ABHD14A: variants seen among roughly 807,000 people sequenced by gnomAD.
ABHD14A encodes abhydrolase domain containing 14A, also known as protein ABHD14A.
Under a neutral mutation model 27.0 loss-of-function variants are expected in ABHD14A, and 19 were observed. That is an observed-to-expected ratio of 0.70 (90% CI 0.49 to 1.03). The LOEUF is 1.03. ABHD14A is among the 50% of genes least tolerant of loss of function. The probability of loss-of-function intolerance (pLI) is 0.00; values close to 1 mark genes in which losing one functional copy is unlikely to be tolerated. For synonymous variants in ABHD14A, 148 were observed against 158.8 expected, an observed-to-expected ratio of 0.93 and a Z score of 0.51; for missense variants, 311 against 344.6, an observed-to-expected ratio of 0.90 and a Z score of 0.77.
chr3:51,975,128 A>C lies in ABHD14A; in HGVS notation c.-8A>C, dbSNP rs963818493. On this transcript the variant is annotated 5_prime_UTR_variant, in exon 1 of 5. Transcript: ENST00000273596. The stretch of plus-strand genomic sequence containing the variant: ...GCCGGAGCGGCCCGCGGAGCTGCGG[A>C]GGCAGCCATGGTCGGGGCGCTGTGC... The C allele has an allele frequency of 1.5e-6, 2 of 1,292,034 alleles. No homozygotes were observed. The highest frequency in any genetic ancestry group is 3.1e-5 in the East Asian group (1 of 31,898). The allele number at this position is 1,292,034 out of a possible 1,614,324, so 80.0% of individuals were successfully genotyped here.
chr3:51,980,557 C>A lies in ABHD14A; in HGVS notation c.562C>A (p.Leu188Ile). ...CTTCCTGATGCGAGGCCACCACCAG[C>A]TACATGGATTTGTGCCCATCGCACC... ...LPFLMRGHHQ[L>I]HGFVPIAPTS... The change falls in exon 4 of 5, where the codon CTA becomes ATA. Residue 188 changes from leucine (L) to isoleucine (I), a missense_variant. Physicochemically the swap from Leu to Ile is conservative, Grantham distance 5 (BLOSUM62 2). Coordinates refer to ENST00000273596, the MANE Select transcript of ABHD14A (RefSeq NM_015407.5). 6.2e-7 allele frequency: 1 copy of A among 1,614,132 alleles called. No homozygotes were observed. The highest frequency in any genetic ancestry group is 1.3e-5 in the African/African-American group (1 of 75,060).
chr3:51,977,874 G>A lies in ABHD14A; in HGVS notation c.73G>A (p.Val25Met). The change falls in exon 2 of 5, where the codon GTG becomes ATG. Residue 25 changes from valine to methionine, a missense_variant. Val to Met is a conservative substitution (Grantham distance 21). Transcript: ENST00000273596. ...TCCCTCTCCTCTCCCTCTCCAGACT[G>A]TGGTACAGACCTCCATGAGCCGGTC... ...ARPLIPLGPT[V>M]VQTSMSRSQV... 6.2e-7 allele frequency: 1 copy of A among 1,612,668 alleles called. No individual in the cohort carries two copies. Among genetic ancestry groups the A allele is most frequent in the Non-Finnish European group, 8.5e-7 (1 of 1,178,928 alleles).
Position 51,980,939 on chromosome 3 carries a change from A to G in ABHD14A, c.737A>G (p.Asn246Ser), listed in dbSNP as rs747365014. Residue 246 changes from asparagine (N) to serine (S), a missense_variant, in exon 5 of 5, where the codon AAT becomes AGT. Asn to Ser is a conservative substitution (Grantham distance 46). Coordinates refer to ENST00000273596, the MANE Select transcript of ABHD14A (RefSeq NM_015407.5). Reference sequence around the variant, plus strand: ...AACCACTCTGTGGTGAAGCTACGCAATGCAGGCCATGCCTGTTACCTCCAC... The same window carrying G: ...AACCACTCTGTGGTGAAGCTACGCAGTGCAGGCCATGCCTGTTACCTCCAC... ...LPNHSVVKLR[N>S]AGHACYLHKP... The G allele has an allele frequency of 3.7e-6, 6 of 1,614,052 alleles. No individual in the cohort carries two copies. In the East Asian group the frequency reaches 6.7e-5, roughly 18 times the overall value.
At position 51,980,882 on chromosome 3, in the gene ABHD14A, G is replaced by A. The variant is rs200435900; in HGVS notation, c.680G>A (p.Arg227Gln). Residue 227 changes from arginine to glutamine, a missense_variant, in exon 5 of 5, where the codon CGA becomes CAA. Physicochemically the swap from Arg to Gln is conservative, Grantham distance 43. Transcript: ENST00000273596. ...GGAGAGCTGGACCACATCCTGGCTC[G>A]AGAGTCACTGCGGCAGCTCCGCCAC... ...LYGELDHILA[R>Q]ESLRQLRHLP... The A allele has an allele frequency of 2.6e-4, 412 of 1,613,960 alleles. 2 individuals are homozygous for A. Among genetic ancestry groups the A allele is most frequent in the Non-Finnish European group, 3.3e-4 (386 of 1,180,020 alleles).
Position 51,981,143 on chromosome 3 carries a change from T to A in ABHD14A, c.*125T>A. 1 of 999,842 alleles carries A rather than the reference T, an allele frequency of 1.0e-6. No individual in the cohort carries two copies. Among genetic ancestry groups the A allele is most frequent in the Non-Finnish European group, 1.5e-6 (1 of 677,782 alleles). The allele number at this position is 999,842 out of a possible 1,614,324, so 61.9% of individuals were successfully genotyped here. A position where few individuals can be genotyped will look rare whatever the true frequency, so the allele number is the denominator to read the frequency against. The stretch of plus-strand genomic sequence containing the variant: ...GGCCAGGGTCAGACCCAGCCAGGAC[T>A]CCTCATTTCATCTCACAGACACAAT... On this transcript the variant is annotated 3_prime_UTR_variant, in exon 5 of 5. Transcript: ENST00000273596.
chr3:51,981,013 C>T lies in ABHD14A; in HGVS notation c.811C>T (p.Pro271Ser). Residue 271 changes from proline to serine, a missense_variant, in exon 5 of 5, where the codon CCT becomes TCT. Physicochemically the swap from Pro to Ser is moderately conservative, Grantham distance 74. Coordinates refer to ENST00000273596, the MANE Select transcript of ABHD14A (RefSeq NM_015407.5). ...CCTGCTTGCCTTCCTTGACCATCTA[C>T]CTTGAACTAACCCACTCCCAGCTCC... Reference protein sequence around the residue: ...LVLLAFLDHLP With the variant: ...LVLLAFLDHLS 2 of 1,609,154 alleles carry T rather than the reference C, an allele frequency of 1.2e-6. No homozygotes were observed. The highest frequency in any genetic ancestry group is 1.7e-6 in the Non-Finnish European group (2 of 1,175,804).
Position 51,975,104 on chromosome 3 carries a change from CCGGAGCGGCCCG to C in ABHD14A, c.-25_-14del. ...TGGCCGCGCTCCTGGCCGCCTAGAG[CCGGAGCGGCCCG>C]CGGAGCTGCGGAGGCAGCCATGGTC... On this transcript the variant is annotated 5_prime_UTR_variant, in exon 1 of 5. Coordinates refer to ENST00000273596, the MANE Select transcript of ABHD14A (RefSeq NM_015407.5). 1 of 1,286,566 alleles carries C rather than the reference CCGGAGCGGCCCG, an allele frequency of 7.8e-7. No homozygotes were observed. Among genetic ancestry groups the C allele is most frequent in the South Asian group, 2.3e-5 (1 of 42,558 alleles). The allele number at this position is 1,286,566 out of a possible 1,614,324, so 79.7% of individuals were successfully genotyped here.
intron 1 of ABHD14A, among the ~76,000 whole-genome samples, chr3:51,976,019 C>T (rs1028084157): frequency 2.0e-5 from 3 of 152,272 alleles, no homozygotes; most frequent in African/African-American, 7.2e-5. Context: ...CGGGCACCCT[C>T]GGTTGCCAAG....
In ABHD14A at chr3:51,977,917, G is replaced by A; in HGVS notation, c.116G>A (p.Gly39Asp). 9 of 1,614,116 alleles carry A rather than the reference G, an allele frequency of 5.6e-6. No homozygotes were observed. The highest frequency in any genetic ancestry group is 6.8e-6 in the Non-Finnish European group (8 of 1,180,016). Residue 39 changes from glycine (G) to aspartate (D), a missense_variant, in exon 2 of 5, where the codon GGC becomes GAC. Physicochemically the swap from Gly to Asp is moderately conservative, Grantham distance 94 (BLOSUM62 -1). Coordinates refer to ENST00000273596, the MANE Select transcript of ABHD14A (RefSeq NM_015407.5). ...SMSRSQVALL[G>D]LSLLLMLLLY... is the part of the protein sequence containing the mutation. The stretch of plus-strand genomic sequence containing the variant: ...AGCCGGTCCCAGGTAGCCCTGCTGG[G>A]CCTGAGTCTGCTGCTCATGCTCCTA...
intron 3 of ABHD14A, among the ~76,000 whole-genome samples, chr3:51,979,226 T>C (rs7636204): frequency 0.025 from 3,768 of 152,246 alleles, 162 homozygotes; most frequent in African/African-American, 0.087. Context: ...ACATCATGTC[T>C]CAAGGATCAT....
chr3:51,978,138 G>A, intron 2 of ABHD14A, 56 bp downstream of exon 2: 1 of 1,564,676 alleles, frequency 6.4e-7, no homozygotes, highest in Non-Finnish European at 8.7e-7. Flanking sequence ...GAGTCCCTGT[G>A]TGGGACCCCC....
At chr3:51,975,253 G>A in intron 1 of ABHD14A, 49 bp downstream of exon 1, 2 of 1,238,354 alleles carry the variant, frequency 1.6e-6, no homozygotes, top group Middle Eastern at 3.1e-4. Context: ...GGGGAGGGCC[G>A]TCTTTACCCC....
Position 51,981,187 on chromosome 3 carries a change from T to A in ABHD14A, c.*169T>A. 1 of 724,964 alleles carries A rather than the reference T, an allele frequency of 1.4e-6. No individual in the cohort carries two copies. Among genetic ancestry groups the A allele is most frequent in the Non-Finnish European group, 2.2e-6 (1 of 461,502 alleles). 44.9% of individuals were successfully genotyped at this position (724,964 alleles called of 1,614,324 possible). A position where few individuals can be genotyped will look rare whatever the true frequency, so the allele number is the denominator to read the frequency against. On this transcript the variant is annotated 3_prime_UTR_variant, in exon 5 of 5. Transcript: ENST00000273596. ...ACACAATAAAAAAGCATATTTGTCCTGCCTGGGAAGTGACAGGTTCCGTTT... is the reference window on the plus strand; with the variant it reads ...ACACAATAAAAAAGCATATTTGTCCAGCCTGGGAAGTGACAGGTTCCGTTT...
In ABHD14A at chr3:51,975,179, C is replaced by T. The variant is rs1409032792; in HGVS notation, c.44C>T (p.Ala15Val). 1.6e-6 allele frequency: 2 copies of T among 1,276,492 alleles called. No individual in the cohort carries two copies. Among genetic ancestry groups the T allele is most frequent in the East Asian group, 3.1e-5 (1 of 32,000 alleles). The allele number at this position is 1,276,492 out of a possible 1,614,324, so 79.1% of individuals were successfully genotyped here. The change falls in exon 1 of 5, where the codon GCC becomes GTC. Residue 15 changes from alanine (A) to valine (V), a missense_variant. Physicochemically the swap from Ala to Val is moderately conservative, Grantham distance 64 (BLOSUM62 0). Transcript: ENST00000273596. ...GGCTGCTGGTTCCGCCTGGGCGGGG[C>T]CCGCCCGCTCATCCCGTTGGGCCCG... Reference protein sequence around the residue: ...LCGCWFRLGGARPLIPLGPTV... With the variant: ...LCGCWFRLGGVRPLIPLGPTV...
chr3:51,975,183 C>T lies in ABHD14A; in HGVS notation c.48C>T (p.Arg16=). 2.4e-6 allele frequency: 3 copies of T among 1,275,094 alleles called. No homozygotes were observed. The highest frequency in any genetic ancestry group is 2.6e-5 in the South Asian group (1 of 38,350). The allele number at this position is 1,275,094 out of a possible 1,614,324, so 79.0% of individuals were successfully genotyped here. ...GCTGGTTCCGCCTGGGCGGGGCCCG[C>T]CCGCTCATCCCGTTGGGCCCGGTGA... ...CGCWFRLGGA[R]PLIPLGPTVV... is the part of the protein sequence containing the mutation. The change falls in exon 1 of 5, where the codon CGC becomes CGT. Residue 16 remains arginine (R), a synonymous_variant. Coordinates refer to ENST00000273596, the MANE Select transcript of ABHD14A (RefSeq NM_015407.5).
At chr3:51,975,455 TGG>T (rs111955253) in intron 1 of ABHD14A, among the ~76,000 whole-genome samples, 2 of 87,706 alleles carry the variant, frequency 2.3e-5, no homozygotes, top group African/African-American at 8.5e-5. Context: ...CTTATATTTT[TGG>T]GGGGGGGGTG....
In ABHD14A at chr3:51,981,191, T is replaced by A; in HGVS notation, c.*173T>A. 1 of 705,594 alleles carries A rather than the reference T, an allele frequency of 1.4e-6. No individual in the cohort carries two copies. 43.7% of individuals were successfully genotyped at this position (705,594 alleles called of 1,614,324 possible). On this transcript the variant is annotated 3_prime_UTR_variant, in exon 5 of 5. Transcript: ENST00000273596. ...AATAAAAAAGCATATTTGTCCTGCC[T>A]GGGAAGTGACAGGTTCCGTTTCCTG...
intron 3 of ABHD14A, 86 bp from the exon 4 acceptor site, chr3:51,980,307 C>G: frequency 2.4e-6 from 3 of 1,266,324 alleles, no homozygotes; most frequent in Non-Finnish European, 3.4e-6. Flanking sequence ...TGCCAGTGGT[C>G]CCCAACTTTT....
At chr3:51,980,671 G>A (rs780993829) in intron 4 of ABHD14A, 43 bp downstream of exon 4, 7 of 1,591,940 alleles carry the variant, frequency 4.4e-6, no homozygotes, top group Non-Finnish European at 1.7e-6. Context: ...CCCTGTCTGT[G>A]GCTTGGGGGG....
Sources: allele counts gnomAD v4.1 joint callset (sites outside exome capture counted in the v4.1 genomes callset), GRCh38; gene constraint gnomAD v4.1.1; transcripts MANE v1.5; gene names NCBI Gene and HGNC (gene_info 2026-07-23, HGNC 2026-07-21).